ENPP2: variants seen among roughly 807,000 people sequenced by gnomAD.
The protein encoded by ENPP2 is autotaxin.
ENPP2 carries 51 observed loss-of-function variants against 120.2 expected under a neutral mutation model. The observed-to-expected ratio is 0.42, with a 90% CI of 0.34 to 0.54. The LOEUF (loss-of-function observed/expected upper bound fraction) is 0.54, where lower values mean the gene tolerates loss of function less well. Ranked by LOEUF, ENPP2 falls within the 20% of genes least tolerant of loss-of-function variation. The probability of loss-of-function intolerance (pLI) is 0.04; values close to 1 mark genes in which losing one functional copy is unlikely to be tolerated. For synonymous variants in ENPP2, 365 were observed against 366.4 expected, an observed-to-expected ratio of 1.00 and a Z score of 0.04; for missense variants, 920 against 1,066.5, an observed-to-expected ratio of 0.86 and a Z score of 1.91.
At chr8:119,663,132 AAAAAG>A (rs1340383968) in intron 1 of ENPP2, among the ~76,000 whole-genome samples, 4 of 150,400 alleles carry the variant, frequency 2.7e-5, no homozygotes, top group African/African-American at 5.0e-5. Flanking sequence ...AAAAAAAAAA[AAAAAG>A]AAAGAAAGAA....
At chr8:119,663,194 C>G (rs928005579) in intron 1 of ENPP2, among the ~76,000 whole-genome samples, 1 of 151,654 alleles carries the variant, frequency 6.6e-6, no homozygotes, top group Non-Finnish European at 1.5e-5. Flanking sequence ...GTGGTTCCCA[C>G]GAGATGAGCA....
intron 3 of ENPP2, among the ~76,000 whole-genome samples, chr8:119,623,694 C>T (rs756957183): frequency 3.8e-4 from 58 of 152,022 alleles, no homozygotes; most frequent in Admixed American, 7.2e-4. Flanking sequence ...GGCATAATCT[C>T]AGCTCACTGC....
intron 24 of ENPP2, among the ~76,000 whole-genome samples, chr8:119,559,207 G>A (rs762717237): frequency 1.3e-5 from 2 of 152,196 alleles, no homozygotes; most frequent in African/African-American, 2.4e-5. Context: ...TATAATTAAC[G>A]AAGTAGGAGG....
intron 9 of ENPP2, among the ~76,000 whole-genome samples, chr8:119,603,236 A>T (rs967858136): frequency 6.6e-6 from 1 of 151,640 alleles, no homozygotes; most frequent in Non-Finnish European, 1.5e-5. Flanking sequence ...TAAAAAAAAA[A>T]AGTGAATGCC....
chr8:119,626,616 T>A lies in ENPP2; in HGVS notation c.241A>T (p.Lys81Ter). The part of the protein sequence containing the change: ...PPDCRCDNLC[K>*]SYTSCCHDFD... ...TCATGGCAGCAACTGGTATAGCTCT[T>A]ACACAAGTTGTCACAGCGACAATCA... The change falls in exon 3 of 25, where the codon AAG becomes TAG. Residue 81 changes from lysine to a stop codon, truncating the protein, a stop_gained. Transcript: ENST00000075322. LOFTEE classifies it high-confidence loss of function. 1.2e-6 allele frequency: 2 copies of A among 1,614,070 alleles called. No individual in the cohort carries two copies. Among genetic ancestry groups the A allele is most frequent in the Non-Finnish European group, 1.7e-6 (2 of 1,179,932 alleles).
chr8:119,583,663 C>T lies in ENPP2; in HGVS notation c.1543+54G>A, dbSNP rs577451265. 44 of 972,932 alleles carry T rather than the reference C, an allele frequency of 4.5e-5. 1 individual carries two copies. In the South Asian group the frequency reaches 6.1e-4, roughly 14 times the overall value. 60.3% of individuals were successfully genotyped at this position (972,932 alleles called of 1,614,324 possible). On this transcript the variant is annotated intron_variant, in intron 17 of 24. Transcript: ENST00000075322. Reference sequence around the variant, plus strand: ...TTCTTTCTCTGACATTGAGAAAGATCATATATACTAACTAAAGATTGTTTC... The same window carrying T: ...TTCTTTCTCTGACATTGAGAAAGATTATATATACTAACTAAAGATTGTTTC...
chr8:119,572,816 C>T (rs1233071889), intron 19 of ENPP2: 1 of 153,704 alleles, frequency 6.5e-6, no homozygotes, highest in African/African-American at 2.4e-5. Context: ...AAACATAGCA[C>T]AAATAACAGA....
intron 8 of ENPP2, among the ~76,000 whole-genome samples, chr8:119,611,826 G>A (rs1815130941): frequency 6.6e-6 from 1 of 152,108 alleles, no homozygotes; most frequent in South Asian, 2.1e-4. Context: ...AGGAGTTCAA[G>A]ACCAGACTGG....
chr8:119,591,325 G>T (rs1587413629), intron 12 of ENPP2, among the ~76,000 whole-genome samples: 1 of 152,184 alleles, frequency 6.6e-6, no homozygotes, highest in African/African-American at 2.4e-5. Context: ...AAAGCAAGAA[G>T]GTTCTAGGTA....
intron 19 of ENPP2, among the ~76,000 whole-genome samples, chr8:119,576,133 A>G: frequency 6.6e-6 from 1 of 152,272 alleles, no homozygotes; most frequent in Admixed American, 6.5e-5. Flanking sequence ...CTAGTGTTTA[A>G]GTCAATTTTC....
In ENPP2 at chr8:119,593,777, G is replaced by A. The variant is rs770358459; in HGVS notation, c.1056C>T (p.Val352=). 5 of 1,611,020 alleles carry A rather than the reference G, an allele frequency of 3.1e-6. No homozygotes were observed. Among genetic ancestry groups the A allele is most frequent in the Non-Finnish European group, 4.2e-6 (5 of 1,177,194 alleles). ...GLKQLKLHRC[V]NVIFVGDHGM... ...CATGGTCTCCGACAAAGATGACGTT[G>A]ACACACCGATGCAGTTTTAGTTGTT... Residue 352 remains valine (V), a synonymous_variant, in exon 12 of 25, where the codon GTC becomes GTT. Coordinates refer to ENST00000075322, the MANE Select transcript of ENPP2 (RefSeq NM_001040092.3).
chr8:119,590,859 G>T (rs1427850717), intron 12 of ENPP2, among the ~76,000 whole-genome samples: 1 of 151,848 alleles, frequency 6.6e-6, no homozygotes, highest in Non-Finnish European at 1.5e-5. Context: ...GCACTAGAAG[G>T]TTGAAAGTGC....
intron 1 of ENPP2, among the ~76,000 whole-genome samples, chr8:119,653,660 A>G (rs1260319171): frequency 8.1e-6 from 1 of 122,976 alleles, no homozygotes; most frequent in East Asian, 2.1e-4. Context: ...GCAGGACCCT[A>G]CAGGCCATAA....
upstream of ENPP2, chr8:119,638,938 G>C (rs1817174510): frequency 5.9e-6 from 5 of 850,854 alleles, no homozygotes; most frequent in Admixed American, 1.1e-4. Flanking sequence ...ACATCACAGG[G>C]TGTTCACAAA....
rs772251991 is a variant in ENPP2 at position 119,619,248 on chromosome 8, C to A, written c.475G>T (p.Ala159Ser). The A allele has an allele frequency of 2.5e-6, 4 of 1,608,912 alleles. No individual in the cohort carries two copies. Among genetic ancestry groups the A allele is most frequent in the Non-Finnish European group, 2.6e-6 (3 of 1,175,502 alleles). Residue 159 changes from alanine to serine, a missense_variant, in exon 5 of 25, where the codon GCA (alanine) becomes TCA (serine). Transcript: ENST00000075322. ...ATAGTCATAAAATACACTTACCCTGCAGGGCATTCTGCGGCCTTTATTTCC... is the reference window on the plus strand; with the variant it reads ...ATAGTCATAAAATACACTTACCCTGAAGGGCATTCTGCGGCCTTTATTTCC... ...CEEIKAAECP[A>S]GFVRPPLIIF...
At chr8:119,613,305 T>A (rs895928884) in intron 8 of ENPP2, among the ~76,000 whole-genome samples, 3 of 152,212 alleles carry the variant, frequency 2.0e-5, no homozygotes, top group South Asian at 2.1e-4. Context: ...AAAACAAAGA[T>A]TAAATTAAAT....
At position 119,582,417 on chromosome 8, in the gene ENPP2, C is replaced by T; in HGVS notation, c.1728+1G>A. The T allele has an allele frequency of 6.2e-7, 1 of 1,611,658 alleles. No individual in the cohort carries two copies. On this transcript the variant is annotated splice_donor_variant, in intron 18 of 24. Coordinates refer to ENST00000075322, the MANE Select transcript of ENPP2 (RefSeq NM_001040092.3). LOFTEE classifies it high-confidence loss of function. ...ATAATAAACATAAAGATTATTTCTACCTTTGGCTCTACCTTATCATCACAA... is the reference window on the plus strand; with the variant it reads ...ATAATAAACATAAAGATTATTTCTATCTTTGGCTCTACCTTATCATCACAA...
In ENPP2 at chr8:119,663,127, A is replaced by C. The variant is rs1245655182; in HGVS notation, c.21+10125T>G. Among the ~76,000 whole-genome samples, 622 of 151,778 alleles carry C rather than the reference A, an allele frequency of 4.1e-3. 5 individuals are homozygous for C. The highest frequency in any genetic ancestry group is 0.014 in the African/African-American group (598 of 41,436). The stretch of plus-strand genomic sequence containing the variant: ...GTGAGAGACTCTTGTCTCAAAAAAA[A>C]AAAAAAAAAGAAAGAAAGAAAAAAG... On this transcript the variant is annotated intron_variant, in intron 1 of 25. Coordinates refer to the ENPP2 transcript ENST00000427067.
At chr8:119,572,599 A>G (rs1351195738) in intron 19 of ENPP2, 4 of 188,092 alleles carry the variant, frequency 2.1e-5, no homozygotes, top group Non-Finnish European at 4.4e-5. Flanking sequence ...CATATATGCT[A>G]TTTCCTTTCT....
Sources: gnomAD v4.1 joint callset for allele counts (sites outside exome capture counted in the v4.1 genomes callset) on GRCh38, gnomAD v4.1.1 for gene constraint, MANE v1.5 for transcripts, NCBI Gene and HGNC (gene_info 2026-07-23, HGNC 2026-07-21) for gene names.